DSE: variants seen among roughly 807,000 people sequenced by gnomAD.
DSE encodes the protein dermatan-sulfate epimerase.
A neutral mutation model predicts 84.4 loss-of-function variants in DSE; 36 were observed. That is an observed-to-expected ratio of 0.43 (90% CI 0.33 to 0.56). DSE has a LOEUF of 0.56. DSE is among the 20% of genes least tolerant of loss of function. The pLI is 0.06. For synonymous variants in DSE, 410 were observed against 430.1 expected, an observed-to-expected ratio of 0.95 and a Z score of 0.58; for missense variants, 862 against 1,169.6, an observed-to-expected ratio of 0.74 and a Z score of 3.84.
At chr6:116,315,642 C>G (rs908810787) in intron 2 of DSE, among the ~76,000 whole-genome samples, 5 of 152,172 alleles carry the variant, frequency 3.3e-5, no homozygotes, top group Non-Finnish European at 7.3e-5. Context: ...ATTAGGCAAC[C>G]AATGGCTTCC....
intron 2 of DSE, among the ~76,000 whole-genome samples, chr6:116,333,166 G>A (rs1349913399): frequency 6.6e-6 from 1 of 152,180 alleles, no homozygotes; most frequent in Non-Finnish European, 1.5e-5. Flanking sequence ...ATGCATCCCA[G>A]TGGAAAGCAC....
At chr6:116,278,330 TGGA>T in intron 2 of DSE, 1 of 674,308 alleles carries the variant, frequency 1.5e-6, no homozygotes, top group East Asian at 2.8e-5. Context: ...CATATGGAAG[TGGA>T]GAAGCATACC....
At chr6:116,401,468 A>G (rs1781587590) in intron 2 of DSE, among the ~76,000 whole-genome samples, 1 of 152,044 alleles carries the variant, frequency 6.6e-6, no homozygotes. Context: ...CTTTCTCTTG[A>G]CCTTCAAGGT....
chr6:116,278,259 G>T, intron 2 of DSE: 1 of 484,346 alleles, frequency 2.1e-6, no homozygotes, highest in Non-Finnish European at 3.8e-6. Context: ...CATTTGCTTG[G>T]CTTACAAGTA....
intron 2 of DSE, among the ~76,000 whole-genome samples, chr6:116,291,827 T>G (rs1774297404): frequency 6.6e-6 from 1 of 152,136 alleles, no homozygotes; most frequent in Admixed American, 6.6e-5. Context: ...GTCAGATAAA[T>G]TGTAGAACCA....
intron 1 of DSE, among the ~76,000 whole-genome samples, chr6:116,373,200 A>G (rs372383368): frequency 3.9e-5 from 6 of 152,234 alleles, no homozygotes; most frequent in Admixed American, 3.9e-4. Context: ...TAAAAATACA[A>G]AACAAAAAAT....
At chr6:116,411,755 T>G (rs1486117428) in intron 2 of DSE, among the ~76,000 whole-genome samples, 3 of 152,254 alleles carry the variant, frequency 2.0e-5, no homozygotes, top group Non-Finnish European at 4.4e-5. Context: ...AAGAGCCTGT[T>G]GATATGAGAA....
intron 2 of DSE, among the ~76,000 whole-genome samples, chr6:116,264,810 T>A (rs576191239): frequency 6.6e-6 from 1 of 152,328 alleles, no homozygotes; most frequent in African/African-American, 2.4e-5. Context: ...CTCAGCCAAC[T>A]GGCTGTGTTT....
chr6:116,333,769 T>G (rs1777086423), intron 2 of DSE, among the ~76,000 whole-genome samples: 1 of 152,212 alleles, frequency 6.6e-6, no homozygotes, highest in Non-Finnish European at 1.5e-5. Flanking sequence ...TATCCTGTTT[T>G]TCCTTATACA....
At chr6:116,356,759 T>A (rs933219693) in intron 2 of DSE, among the ~76,000 whole-genome samples, 6 of 152,114 alleles carry the variant, frequency 3.9e-5, no homozygotes, top group Admixed American at 6.5e-5. Context: ...CATCCAATGC[T>A]AGCTTCTCCC....
rs1169998809 is a variant in DSE at position 116,439,642 on chromosome 6, C to T, written c.*2297C>T. 6.6e-6 allele frequency: 1 copy of T among 152,072 alleles called. No individual in the cohort carries two copies. The highest frequency in any genetic ancestry group is 1.9e-4 in the East Asian group (1 of 5,198). The allele number at this position is 152,072 out of a possible 1,614,324, so 9.4% of individuals were successfully genotyped here. A position where few individuals can be genotyped will look rare whatever the true frequency, so the allele number is the denominator to read the frequency against. ...TTGAAAACAAAGCAATGTTAAATCT[C>T]CCTTGAAACTGAGTAATCAGTTATG... On this transcript the variant is annotated 3_prime_UTR_variant, in exon 6 of 6. Coordinates refer to ENST00000644252, the MANE Select transcript of DSE (RefSeq NM_013352.4).
upstream of DSE, chr6:116,369,835 C>T: frequency 8.7e-7 from 1 of 1,146,146 alleles, no homozygotes; most frequent in East Asian, 5.8e-5. Context: ...AAGTGAGAAC[C>T]TCTGAGGATA....
chr6:116,272,017 CA>C (rs1772902234), intron 2 of DSE, among the ~76,000 whole-genome samples: 1 of 152,142 alleles, frequency 6.6e-6, no homozygotes, highest in African/African-American at 2.4e-5. Flanking sequence ...GGATTTCTAT[CA>C]CCATAAAAAA....
intron 2 of DSE, among the ~76,000 whole-genome samples, chr6:116,320,154 A>G (rs1308955206): frequency 6.6e-6 from 1 of 152,216 alleles, no homozygotes; most frequent in Non-Finnish European, 1.5e-5. Context: ...TTTCACAGAA[A>G]GAATAGACAG....
chr6:116,311,211 CT>C (rs1249389112), intron 2 of DSE, among the ~76,000 whole-genome samples: 2 of 152,128 alleles, frequency 1.3e-5, no homozygotes, highest in African/African-American at 4.8e-5. Context: ...CCTTGTCCTT[CT>C]TTAGTTTTTT....
intron 1 of DSE, 26 bp downstream of exon 1, chr6:116,371,147 G>T: frequency 1.0e-6 from 1 of 985,848 alleles, no homozygotes; most frequent in Non-Finnish European, 1.2e-6. Flanking sequence ...CGCAAGGGAC[G>T]AGCTGGGGCG....
intron 2 of DSE, among the ~76,000 whole-genome samples, chr6:116,272,161 G>A (rs1423884687): frequency 6.6e-6 from 1 of 152,122 alleles, no homozygotes; most frequent in Non-Finnish European, 1.5e-5. Flanking sequence ...TTGTTGAGTG[G>A]TGTTCCATTG....
chr6:116,345,492 A>G (rs887165780), intron 2 of DSE, among the ~76,000 whole-genome samples: 1 of 152,244 alleles, frequency 6.6e-6, no homozygotes, highest in East Asian at 1.9e-4. Flanking sequence ...CTACATGGAA[A>G]CTGAATAACC....
At chr6:116,292,766 A>G (rs1774370448) in intron 2 of DSE, among the ~76,000 whole-genome samples, 2 of 152,232 alleles carry the variant, frequency 1.3e-5, no homozygotes, top group South Asian at 4.1e-4. Context: ...GTAACCTTTA[A>G]AAGGAATAAA....
Sources: allele counts gnomAD v4.1 joint callset (sites outside exome capture counted in the v4.1 genomes callset), GRCh38; gene constraint gnomAD v4.1.1; transcripts MANE v1.5; gene names NCBI Gene and HGNC (gene_info 2026-07-23, HGNC 2026-07-21).